Variants in TENM2 observed in about 807,000 individuals in gnomAD.
The protein encoded by TENM2 is teneurin transmembrane protein 2.
In TENM2, 52 loss-of-function variants were observed where a neutral mutation model predicts 245.2. The observed-to-expected ratio is 0.21, with a 90% CI of 0.17 to 0.27. The LOEUF is 0.27. Among genes scored for constraint, TENM2 ranks in the 10% least tolerant of loss-of-function variants. The probability of loss-of-function intolerance (pLI) is 1.00; values close to 1 mark genes in which losing one functional copy is unlikely to be tolerated. For missense variants in TENM2, 3,046 were observed against 3,666.8 expected, an observed-to-expected ratio of 0.83 and a Z score of 4.37; for synonymous variants, 1,363 against 1,438.9, an observed-to-expected ratio of 0.95 and a Z score of 1.19.
the TENM2 span, among the ~76,000 whole-genome samples, chr5:167,108,729 T>G: frequency 3.9e-5 from 6 of 152,246 alleles, no homozygotes; most frequent in African/African-American, 1.2e-4. Context: ...ACCATTCCCA[T>G]ATGTAAGACG....
the TENM2 span, among the ~76,000 whole-genome samples, chr5:167,082,766 T>C: frequency 6.6e-6 from 1 of 152,140 alleles, no homozygotes; most frequent in Admixed American, 6.6e-5. Flanking sequence ...TAGTTTGAAA[T>C]TAGGAGCTTT....
rs1371174265 is a variant in TENM2 at position 167,929,046 on chromosome 5, AAAG to A, written c.713-23539_713-23537del. Among the ~76,000 whole-genome samples the A allele has an allele frequency of 8.0e-4, 96 of 119,580 alleles. 1 individual carries two copies. The highest frequency in any genetic ancestry group is 3.3e-3 in the African/African-American group (86 of 25,882). 78.4% of individuals were successfully genotyped at this position (119,580 alleles called of 152,430 possible). ...AAAGGAAAGAAAGAAAGAAAAGAAA[AAAG>A]AAAGAAAGAGAGAAAGAAAGAAAGA... is the stretch of plus-strand genomic sequence containing the variant. On this transcript the variant is annotated intron_variant, in intron 3 of 28. Coordinates refer to ENST00000518659, the Ensembl canonical transcript of TENM2.
At chr5:167,519,107 T>C (rs940335072) in intron 2 of TENM2, among the ~76,000 whole-genome samples, 2 of 152,178 alleles carry the variant, frequency 1.3e-5, no homozygotes, top group Admixed American at 1.3e-4. Flanking sequence ...CTACAGACCA[T>C]AGTAATTTCT....
exon 2 of TENM2, chr5:167,375,401 C>A (rs1332067057): frequency 6.4e-7 from 1 of 1,551,580 alleles, no homozygotes; most frequent in African/African-American, 1.4e-5. Flanking sequence ...CAGTTCCGGC[C>A]TGTCCAGTCG....
At chr5:167,544,459 A>G (rs988058980) in intron 2 of TENM2, among the ~76,000 whole-genome samples, 4 of 152,110 alleles carry the variant, frequency 2.6e-5, no homozygotes, top group African/African-American at 9.7e-5. Flanking sequence ...TGAGAGCTAC[A>G]ATGGGATTTC....
chr5:167,415,833 T>G (rs763213464), intron 2 of TENM2, among the ~76,000 whole-genome samples: 2 of 152,166 alleles, frequency 1.3e-5, no homozygotes, highest in African/African-American at 2.4e-5. Context: ...TCTAGTAATA[T>G]AATTTGAAGT....
At chr5:167,640,871 A>C (rs865922538) in intron 2 of TENM2, among the ~76,000 whole-genome samples, 76 of 40,496 alleles carry the variant, frequency 1.9e-3, no homozygotes, top group African/African-American at 0.01. Context: ...ATATATATAT[A>C]TATATATATA....
In TENM2 at chr5:168,012,661, C is replaced by CA. The variant is rs1190738141; in HGVS notation, c.1186+19490dup. On this transcript the variant is annotated intron_variant, in intron 5 of 28. Coordinates refer to ENST00000518659, the Ensembl canonical transcript of TENM2. ...AGACTCTGTCTCAAAAAAAAAAAAACAAAAAAAAAAACTGAAGGTGAGGGG... is the reference window on the plus strand; with the variant it reads ...AGACTCTGTCTCAAAAAAAAAAAAACAAAAAAAAAAAACTGAAGGTGAGGGG... Among the ~76,000 whole-genome samples, 1,035 of 106,410 alleles carry CA rather than the reference C, an allele frequency of 9.7e-3. 7 individuals carry two copies. The highest frequency in any genetic ancestry group is 0.025 in the African/African-American group (711 of 28,378). The allele number at this position is 106,410 out of a possible 152,430, so 69.8% of individuals were successfully genotyped here. A position where few individuals can be genotyped will look rare whatever the true frequency, so the allele number is the denominator to read the frequency against.
rs537787632 is a variant in TENM2, at chr5:167,334,759, T to C, written c.227-40439T>C. On this transcript the variant is annotated intron_variant, in intron 1 of 28. Transcript: ENST00000518659. ...TCATATTATTTGAAGGAACATGCTT[T>C]GCTGAAATCTTAAAAGGATACCAAA... 2.6e-5 allele frequency among the ~76,000 whole-genome samples: 4 copies of C among 152,340 alleles called. No individual in the cohort carries two copies. In the South Asian group the frequency reaches 8.3e-4, roughly 32 times the overall value.
chr5:168,030,602 A>C (rs1461017702), intron 5 of TENM2, among the ~76,000 whole-genome samples: 4 of 152,118 alleles, frequency 2.6e-5, no homozygotes, highest in Non-Finnish European at 4.4e-5. Context: ...CGGCCCAGAC[A>C]GTGAGCTTTT....
intron 5 of TENM2, among the ~76,000 whole-genome samples, chr5:168,005,376 C>T (rs1177071863): frequency 1.3e-5 from 2 of 152,198 alleles, no homozygotes; most frequent in Non-Finnish European, 2.9e-5. Flanking sequence ...ACACGAAAGC[C>T]AAGTCTGAAC....
intron 2 of TENM2, among the ~76,000 whole-genome samples, chr5:167,459,242 A>T (rs760606757): frequency 2.0e-5 from 3 of 152,120 alleles, no homozygotes; most frequent in Non-Finnish European, 2.9e-5. Context: ...GAATCCTACG[A>T]TATCTGTTGT....
At position 167,646,200 on chromosome 5, in the gene TENM2, C is replaced by CATATATATAT. The variant is rs61476810; in HGVS notation, c.503-229765_503-229756dup. 8.5e-3 allele frequency among the ~76,000 whole-genome samples: 538 copies of CATATATATAT among 63,218 alleles called. 3 individuals are homozygous for CATATATATAT. The highest frequency in any genetic ancestry group is 0.014 in the East Asian group (23 of 1,602). The allele number at this position is 63,218 out of a possible 152,430, so 41.5% of individuals were successfully genotyped here. On this transcript the variant is annotated intron_variant, in intron 2 of 28. Transcript: ENST00000518659. ...TTCATATATATATATATGTTGTTTT[C>CATATATATAT]ATATATATATATATATATATATATA...
chr5:167,983,094 G>GT (rs148936057), intron 4 of TENM2, among the ~76,000 whole-genome samples: 21,712 of 150,736 alleles, frequency 0.14, 1,831 homozygotes, highest in Admixed American at 0.25. Flanking sequence ...AGACGTCTTT[G>GT]TTTTTCTTCC....
chr5:168,070,474 A>G (rs935641753), intron 7 of TENM2, among the ~76,000 whole-genome samples: 3 of 152,078 alleles, frequency 2.0e-5, no homozygotes, highest in Non-Finnish European at 2.9e-5. Flanking sequence ...AAAATATCTA[A>G]ATACTTATTT....
intron 2 of TENM2, among the ~76,000 whole-genome samples, chr5:167,790,352 A>G (rs958964645): frequency 6.6e-6 from 1 of 152,206 alleles, no homozygotes; most frequent in Non-Finnish European, 1.5e-5. Context: ...TAAGCTAAAA[A>G]AAGGAACATG....
chr5:167,670,713 C>T (rs1561657149), intron 2 of TENM2, among the ~76,000 whole-genome samples: 2 of 152,128 alleles, frequency 1.3e-5, no homozygotes, highest in Admixed American at 1.3e-4. Context: ...CACTTTTTTC[C>T]TTGGAAGGTA....
intron 2 of TENM2, among the ~76,000 whole-genome samples, chr5:167,552,511 C>T (rs931697613): frequency 1.3e-5 from 2 of 152,110 alleles, no homozygotes; most frequent in Admixed American, 1.3e-4. Context: ...AAAAGATGAG[C>T]TCCCATCCTT....
At chr5:168,149,650 T>A (rs1439694061) in intron 12 of TENM2, among the ~76,000 whole-genome samples, 1 of 152,164 alleles carries the variant, frequency 6.6e-6, no homozygotes, top group African/African-American at 2.4e-5. Context: ...CTAGATTCTG[T>A]CCTGGCCCCA....
Sources: gnomAD v4.1 joint callset for allele counts (sites outside exome capture counted in the v4.1 genomes callset) on GRCh38, gnomAD v4.1.1 for gene constraint, MANE v1.5 for transcripts, NCBI Gene and HGNC (gene_info 2026-07-23, HGNC 2026-07-21) for gene names.